TTC7B: variants seen among roughly 807,000 people sequenced by gnomAD.
The protein encoded by TTC7B is tetratricopeptide repeat domain 7B.
In TTC7B, 28 loss-of-function variants were observed where a neutral mutation model predicts 106.8. That is an observed-to-expected ratio of 0.26 (90% CI 0.19 to 0.36). The LOEUF (loss-of-function observed/expected upper bound fraction) is 0.36, where lower values mean the gene tolerates loss of function less well. TTC7B is among the 10% of genes least tolerant of loss of function. The pLI is 1.00. For missense variants in TTC7B, 862 were observed against 1,076.4 expected (o/e 0.80, Z 2.79); for synonymous variants, 405 against 430.6 (o/e 0.94, Z 0.74).
intron 4 of TTC7B, among the ~76,000 whole-genome samples, chr14:90,736,973 A>G (rs750946452): frequency 5.9e-5 from 9 of 151,798 alleles, no homozygotes; most frequent in Non-Finnish European, 1.3e-4. Context: ...AAGTTATCAA[A>G]TCCTAGGGAA....
At chr14:90,652,388 G>T (rs1259457073) in intron 13 of TTC7B, among the ~76,000 whole-genome samples, 1 of 151,584 alleles carries the variant, frequency 6.6e-6, no homozygotes, top group Non-Finnish European at 1.5e-5. Flanking sequence ...TGGGGGCGGG[G>T]AGTTTGGGGC....
At chr14:90,723,197 T>C (rs896628434) in intron 5 of TTC7B, among the ~76,000 whole-genome samples, 1 of 152,192 alleles carries the variant, frequency 6.6e-6, no homozygotes, top group African/African-American at 2.4e-5. Flanking sequence ...GGGAGTCATC[T>C]CTGGTTCCTC....
intron 9 of TTC7B, among the ~76,000 whole-genome samples, chr14:90,660,351 C>T (rs1252640161): frequency 2.3e-5 from 3 of 130,030 alleles, no homozygotes; most frequent in South Asian, 4.9e-4. Flanking sequence ...GATCGTCGTA[C>T]CACTGCATTC....
rs185693866 is a variant in TTC7B, at chr14:90,708,843, A to T, written c.699-13265T>A. 1.9e-3 allele frequency among the ~76,000 whole-genome samples: 286 copies of T among 152,270 alleles called. 3 individuals carry two copies. The highest frequency in any genetic ancestry group is 6.5e-3 in the African/African-American group (270 of 41,546). On this transcript the variant is annotated intron_variant, in intron 5 of 19. Transcript: ENST00000328459. ...TGAACTCAAACAAATTTACAAGAAAAAAACAAACAACCCCATCAAAAAGTG... is the reference window on the plus strand; with the variant it reads ...TGAACTCAAACAAATTTACAAGAAATAAACAAACAACCCCATCAAAAAGTG...
chr14:90,765,209 A>G (rs1332037446), intron 3 of TTC7B, among the ~76,000 whole-genome samples: 3 of 152,234 alleles, frequency 2.0e-5, no homozygotes, highest in Non-Finnish European at 4.4e-5. Flanking sequence ...AGATACAAAA[A>G]GTCAAGTGCA....
At chr14:90,564,763 T>C (rs1290962666) in intron 19 of TTC7B, among the ~76,000 whole-genome samples, 1 of 152,046 alleles carries the variant, frequency 6.6e-6, no homozygotes, top group Non-Finnish European at 1.5e-5. Flanking sequence ...CTTAAAAAAT[T>C]AGCGGGTTGT....
chr14:90,730,754 T>G (rs1284772295), intron 4 of TTC7B, among the ~76,000 whole-genome samples: 1 of 152,218 alleles, frequency 6.6e-6, no homozygotes, highest in African/African-American at 2.4e-5. Context: ...GAGGTTGGGC[T>G]GCGTGGCAGT....
chr14:90,549,719 G>A (rs556606991), intron 19 of TTC7B, among the ~76,000 whole-genome samples: 6 of 152,284 alleles, frequency 3.9e-5, no homozygotes, highest in African/African-American at 7.2e-5. Flanking sequence ...TAGCTCCACC[G>A]TTTACTTGGA....
In TTC7B at chr14:90,802,194, G is replaced by A. The variant is rs2030316532; in HGVS notation, c.121+13981C>T. Among the ~76,000 whole-genome samples the A allele has an allele frequency of 6.6e-6, 1 of 152,212 alleles. No individual in the cohort carries two copies. The highest frequency in any genetic ancestry group is 6.5e-5 in the Admixed American group (1 of 15,274). On this transcript the variant is annotated intron_variant, in intron 1 of 19. Coordinates refer to ENST00000328459, the MANE Select transcript of TTC7B (RefSeq NM_001010854.2). The surrounding 1 kb of genome is among the most constrained non-coding windows in gnomAD (Gnocchi z 4.7). ...AGCCTCGACGTGAGGCATCTCAGGG[G>A]ACTGCGGGGTACAAGCCTAACTCAC... is the stretch of plus-strand genomic sequence containing the variant.
At chr14:90,743,790 C>T (rs1889857574) in intron 4 of TTC7B, among the ~76,000 whole-genome samples, 4 of 151,984 alleles carry the variant, frequency 2.6e-5, no homozygotes, top group Admixed American at 2.6e-4. Flanking sequence ...CGGAAAAAAT[C>T]GAGGCTGAGA....
At chr14:90,637,168 A>G (rs142350159) in intron 15 of TTC7B, among the ~76,000 whole-genome samples, 99 of 152,232 alleles carry the variant, frequency 6.5e-4, no homozygotes, top group African/African-American at 2.3e-3. Flanking sequence ...AATAAGGTGC[A>G]TTAAACAATA....
intron 19 of TTC7B, among the ~76,000 whole-genome samples, chr14:90,546,291 C>G (rs973435826): frequency 6.6e-6 from 1 of 152,266 alleles, no homozygotes; most frequent in Non-Finnish European, 1.5e-5. Flanking sequence ...CTTCCCTTCC[C>G]TTCCCTGGGC....
chr14:90,750,394 A>G (rs1369614671), intron 3 of TTC7B, among the ~76,000 whole-genome samples: 1 of 152,230 alleles, frequency 6.6e-6, no homozygotes, highest in African/African-American at 2.4e-5. Context: ...GACTCTGACC[A>G]CTAATGCTCA....
chr14:90,791,797 A>C (rs1310195311), intron 1 of TTC7B, among the ~76,000 whole-genome samples: 1 of 152,224 alleles, frequency 6.6e-6, no homozygotes, highest in East Asian at 1.9e-4. Context: ...GCGCCACACA[A>C]GGCTTGCTAG....
intron 19 of TTC7B, among the ~76,000 whole-genome samples, chr14:90,558,593 A>G (rs1181993145): frequency 6.6e-6 from 1 of 152,244 alleles, no homozygotes; most frequent in African/African-American, 2.4e-5. Context: ...ATGATAAAAC[A>G]CCTTCTGATG....
intron 9 of TTC7B, among the ~76,000 whole-genome samples, chr14:90,662,144 C>G (rs900912647): frequency 6.6e-6 from 1 of 152,166 alleles, no homozygotes; most frequent in Non-Finnish European, 1.5e-5. Flanking sequence ...GCAGGGGGGA[C>G]GAGCAGGCAC....
At position 90,577,417 on chromosome 14, in the gene TTC7B, C is replaced by T. The variant is rs1891302257; in HGVS notation, c.2310+689G>A. ...ACTGAAACCGACACGGCCAGGTGGC[C>T]GGCTCCAGGGTCTCTCAAGAATGAT... On this transcript the variant is annotated intron_variant, in intron 19 of 19. Coordinates refer to ENST00000328459, the MANE Select transcript of TTC7B (RefSeq NM_001010854.2). The surrounding 1 kb of genome is among the most constrained non-coding windows in gnomAD (Gnocchi z 5.0). 6.6e-6 allele frequency among the ~76,000 whole-genome samples: 1 copy of T among 152,216 alleles called. No homozygotes were observed. Among genetic ancestry groups the T allele is most frequent in the Admixed American group, 6.5e-5 (1 of 15,284 alleles).
intron 15 of TTC7B, among the ~76,000 whole-genome samples, chr14:90,633,848 G>A (rs1884806909): frequency 6.6e-6 from 1 of 152,054 alleles, no homozygotes; most frequent in South Asian, 2.1e-4. Context: ...ACACCTTTCA[G>A]TATAAAAATG....
intron 17 of TTC7B, 138 bp downstream of exon 17, chr14:90,610,604 C>A (rs1306807501): frequency 1.5e-6 from 1 of 669,546 alleles, no homozygotes; most frequent in Admixed American, 2.2e-5. Context: ...GAGCAATGCA[C>A]CTCGGTTGAG....
Sources: gnomAD v4.1 joint callset for allele counts (sites outside exome capture counted in the v4.1 genomes callset) on GRCh38, gnomAD v4.1.1 for gene constraint, Gnocchi (gnomAD v3.1) non-coding constraint, MANE v1.5 for transcripts, NCBI Gene and HGNC (gene_info 2026-07-23, HGNC 2026-07-21) for gene names.